The following EPHX2 variants were observed in gnomAD, a reference collection of about 807,000 sequenced individuals.
EPHX2 encodes the protein epoxide hydrolase 2, also known as bifunctional epoxide hydrolase 2.
In EPHX2, 74 loss-of-function variants were observed where a neutral mutation model predicts 78.7. That is an observed-to-expected ratio of 0.94 (90% CI 0.78 to 1.14). The LOEUF (loss-of-function observed/expected upper bound fraction) is 1.14. Ranked by LOEUF, EPHX2 falls within the 50% of genes most tolerant of loss-of-function variation. The pLI is 0.00. For missense variants in EPHX2, 715 were observed against 702.5 expected (o/e 1.02, Z -0.20); for synonymous variants, 251 against 255.2 (o/e 0.98, Z 0.16).
intron 1 of EPHX2, among the ~76,000 whole-genome samples, chr8:27,497,076 G>T (rs1813599656): frequency 6.6e-6 from 1 of 152,186 alleles, no homozygotes; most frequent in Non-Finnish European, 1.5e-5. Flanking sequence ...AACAGACCTT[G>T]AGGACAGCCA....
At chr8:27,505,652 T>G (rs1813977943) in intron 4 of EPHX2, among the ~76,000 whole-genome samples, 1 of 152,116 alleles carries the variant, frequency 6.6e-6, no homozygotes, top group South Asian at 2.1e-4. Flanking sequence ...TAAATTCCTT[T>G]CCCTCACATT....
At chr8:27,544,083 C>T in intron 17 of EPHX2, 103 bp from the exon 18 acceptor site, 1 of 1,370,432 alleles carries the variant, frequency 7.3e-7, no homozygotes, top group Non-Finnish European at 1.0e-6. Context: ...GGCAGGGTGG[C>T]CTGCGGGGAG....
intron 1 of EPHX2, among the ~76,000 whole-genome samples, chr8:27,493,938 C>T (rs1237484735): frequency 6.6e-6 from 1 of 152,064 alleles, no homozygotes; most frequent in Non-Finnish European, 1.5e-5. Context: ...CTACTAGGAA[C>T]CATCCAAGAG....
At chr8:27,538,562 T>G in intron 13 of EPHX2, 97 bp from the exon 14 acceptor site, 4 of 1,168,128 alleles carry the variant, frequency 3.4e-6, no homozygotes, top group Non-Finnish European at 4.9e-6. Context: ...ATGAGCATAT[T>G]TCCTTTGTCA....
rs183718541 is a variant in EPHX2, at chr8:27,525,390, A to G, written c.1087A>G (p.Ile363Val). ...RAVASLNTPF[I>V]PANPNMSPLE... ...GGTGGCCAGTTTGAATACTCCCTTC[A>G]TACCAGCAAATCCCAACATGTCCCC... The change falls in exon 12 of 19, where the codon ATA (isoleucine) becomes GTA (valine). Residue 363 changes from isoleucine to valine, a missense_variant. Physicochemically the swap from Ile to Val is conservative, Grantham distance 29. Transcript: ENST00000521400. The G allele has an allele frequency of 4.3e-6, 7 of 1,614,112 alleles. No individual in the cohort carries two copies. The highest frequency in any genetic ancestry group is 5.9e-6 in the Non-Finnish European group (7 of 1,180,026).
intron 12 of EPHX2, among the ~76,000 whole-genome samples, chr8:27,535,010 G>A (rs553632649): frequency 3.2e-4 from 48 of 152,254 alleles, no homozygotes; most frequent in African/African-American, 9.6e-4. Context: ...TAGGAGGCCC[G>A]CTCAGAAAAC....
intron 2 of EPHX2, among the ~76,000 whole-genome samples, chr8:27,501,978 A>C (rs28633115): frequency 0.12 from 17,636 of 152,260 alleles, 1,081 homozygotes; most frequent in African/African-American, 0.17. Flanking sequence ...ATACAGACAG[A>C]AAAGTACACA....
intron 16 of EPHX2, 114 bp from the exon 17 acceptor site, chr8:27,543,635 C>T (rs1163555320): frequency 3.8e-5 from 38 of 1,009,546 alleles, no homozygotes; most frequent in South Asian, 4.6e-5. Context: ...GTGCAAAGTT[C>T]GGCAGATACA....
chr8:27,519,406 C>A (rs1388213591), intron 9 of EPHX2, among the ~76,000 whole-genome samples: 1 of 152,138 alleles, frequency 6.6e-6, no homozygotes, highest in Non-Finnish European at 1.5e-5. Flanking sequence ...ATGTGTTGTC[C>A]CCAGGGTGGA....
In EPHX2 at chr8:27,513,328, G is replaced by A. The variant is rs186081535; in HGVS notation, c.735+1418G>A. On this transcript the variant is annotated intron_variant, in intron 6 of 18. Coordinates refer to ENST00000521400, the MANE Select transcript of EPHX2 (RefSeq NM_001979.6). The stretch of plus-strand genomic sequence containing the variant: ...GTGAGTGTTTAATCAGGGCCTTCTG[G>A]TCTCATCTCTCTGGTGGTAAAGAGG... Among the ~76,000 whole-genome samples the A allele has an allele frequency of 2.0e-4, 31 of 152,282 alleles. 1 individual carries two copies. In the South Asian group the frequency reaches 6.2e-3, roughly 31 times the overall value.
intron 14 of EPHX2, among the ~76,000 whole-genome samples, chr8:27,539,950 T>A (rs992337750): frequency 1.3e-5 from 2 of 152,020 alleles, no homozygotes; most frequent in Non-Finnish European, 2.9e-5. Flanking sequence ...CCCTGTGAAA[T>A]TGCAGTGGTC....
At position 27,503,609 on chromosome 8, in the gene EPHX2, A is replaced by G. The variant is rs778908072; in HGVS notation, c.192A>G (p.Ile64Met). ...MKGEITLSQWIPLMEENCRKC... is the reference protein window; with the variant it reads ...MKGEITLSQWMPLMEENCRKC... ...CCCTCACTTCACTTTGACAGTGGATACCACTCATGGAAGAAAACTGCAGGA... is the reference window on the plus strand; with the variant it reads ...CCCTCACTTCACTTTGACAGTGGATGCCACTCATGGAAGAAAACTGCAGGA... Residue 64 changes from isoleucine (I) to methionine (M), a missense_variant, in exon 3 of 19, where the codon ATA (isoleucine) becomes ATG (methionine). Physicochemically the swap from Ile to Met is conservative, Grantham distance 10. Transcript: ENST00000521400. 6.2e-7 allele frequency: 1 copy of G among 1,610,094 alleles called. No individual in the cohort carries two copies. The highest frequency in any genetic ancestry group is 8.5e-7 in the Non-Finnish European group (1 of 1,178,126).
intron 9 of EPHX2, 24 bp from the exon 10 acceptor site, chr8:27,520,859 G>T (rs764253364): frequency 6.2e-7 from 1 of 1,614,108 alleles, no homozygotes. Flanking sequence ...TGCTGATTTT[G>T]CCTGTGTGTG....
rs72477596 is a variant in EPHX2, at chr8:27,540,454, C to T, written c.1277-100C>T. ...AGATGGAGGCACTCATAAGGCCTTG[C>T]GCAAGTTCAGATGGTCTGCGAGAGG... On this transcript the variant is annotated intron_variant, in intron 14 of 18. Coordinates refer to ENST00000521400, the MANE Select transcript of EPHX2 (RefSeq NM_001979.6). The T allele has an allele frequency of 3.6e-3, 3,587 of 990,856 alleles. 74 individuals carry two copies. The African/African-American group carries it at 0.05, about 14-fold the overall frequency. The allele number at this position is 990,856 out of a possible 1,614,324, so 61.4% of individuals were successfully genotyped here.
At chr8:27,532,258 G>A (rs552802755) in intron 12 of EPHX2, among the ~76,000 whole-genome samples, 1 of 152,208 alleles carries the variant, frequency 6.6e-6, no homozygotes, top group African/African-American at 2.4e-5. Context: ...ATGCTTTAGT[G>A]TAAGCTGGGG....
At chr8:27,530,930 A>G (rs1815018978) in intron 12 of EPHX2, among the ~76,000 whole-genome samples, 1 of 150,320 alleles carries the variant, frequency 6.7e-6, no homozygotes. Flanking sequence ...CGCACGGCTA[A>G]TTTTGCATTT....
In EPHX2 at chr8:27,541,530, C is replaced by T; in HGVS notation, c.1437C>T (p.Ser479=). 1.2e-6 allele frequency: 2 copies of T among 1,614,252 alleles called. No individual in the cohort carries two copies. Among genetic ancestry groups the T allele is most frequent in the Non-Finnish European group, 1.7e-6 (2 of 1,180,042 alleles). The change falls in exon 16 of 19, where the codon AGC becomes AGT. Residue 479 remains serine (S), a synonymous_variant. Coordinates refer to ENST00000521400, the MANE Select transcript of EPHX2 (RefSeq NM_001979.6). ...GGAACTGGAAGTGGGCTTGCAAAAG[C>T]TTGGGACGGAAGGTGAGTGCCAGGT... The part of the protein sequence containing the change: ...MERNWKWACK[S]LGRKILIPAL...
chr8:27,542,796 C>T (rs1815445178), intron 16 of EPHX2, among the ~76,000 whole-genome samples: 1 of 152,114 alleles, frequency 6.6e-6, no homozygotes, highest in African/African-American at 2.4e-5. Flanking sequence ...AGTGCGCCAC[C>T]ACACCCAGCG....
chr8:27,496,858 C>T (rs911055100), intron 1 of EPHX2, among the ~76,000 whole-genome samples: 1 of 152,110 alleles, frequency 6.6e-6, no homozygotes, highest in Non-Finnish European at 1.5e-5. Flanking sequence ...ATTCCCTCCT[C>T]AAGTAGGGGA....
Sources: allele counts gnomAD v4.1 joint callset (sites outside exome capture counted in the v4.1 genomes callset), GRCh38; gene constraint gnomAD v4.1.1; transcripts MANE v1.5; gene names NCBI Gene and HGNC (gene_info 2026-07-23, HGNC 2026-07-21).